PGBD5: variants seen among roughly 807,000 people sequenced by gnomAD.
PGBD5 encodes the protein piggyBac transposable element derived 5, also known as piggyBac transposable element-derived protein 5.
In PGBD5, 14 loss-of-function variants were observed where a neutral mutation model predicts 47.9. That is an observed-to-expected ratio of 0.29 (90% CI 0.19 to 0.46). The LOEUF is 0.46. Among genes scored for constraint, PGBD5 ranks in the 20% least tolerant of loss-of-function variants. The pLI is 1.00. For missense variants in PGBD5, 635 were observed against 716.0 expected (o/e 0.89, Z 1.29); for synonymous variants, 316 against 306.3 (o/e 1.03, Z -0.33).
chr1:230,405,788 G>C (rs1349739030), intron 1 of PGBD5, among the ~76,000 whole-genome samples: 5 of 152,220 alleles, frequency 3.3e-5, no homozygotes, highest in Non-Finnish European at 7.3e-5. Flanking sequence ...TCTCAGGGGT[G>C]AATAGTTGAT....
chr1:230,348,518 G>A (rs2102699573), intron 3 of PGBD5, among the ~76,000 whole-genome samples: 1 of 152,334 alleles, frequency 6.6e-6, no homozygotes, highest in East Asian at 1.9e-4. Flanking sequence ...CAAGGCTGTG[G>A]GGAGGATCAG....
intron 3 of PGBD5, among the ~76,000 whole-genome samples, chr1:230,344,473 G>A (rs1318402067): frequency 6.6e-6 from 1 of 152,220 alleles, no homozygotes; most frequent in Non-Finnish European, 1.5e-5. Flanking sequence ...AATCCTGCAT[G>A]TGAAGTGCTT....
At chr1:230,408,891 G>A (rs1248638764) in intron 1 of PGBD5, among the ~76,000 whole-genome samples, 4 of 152,024 alleles carry the variant, frequency 2.6e-5, no homozygotes, top group African/African-American at 9.7e-5. Context: ...GTGCTTCCAA[G>A]GACATCATGA....
At chr1:230,340,046 T>C (rs1667387277) in intron 3 of PGBD5, among the ~76,000 whole-genome samples, 1 of 152,228 alleles carries the variant, frequency 6.6e-6, no homozygotes, top group South Asian at 2.1e-4. Flanking sequence ...GTTGGCTCGA[T>C]TTGGCCATTT....
chr1:230,330,227 C>A (rs1667190395), intron 5 of PGBD5, among the ~76,000 whole-genome samples: 2 of 152,150 alleles, frequency 1.3e-5, no homozygotes, highest in African/African-American at 4.8e-5. Context: ...GTCAGAATGA[C>A]AAATAAAAAA....
At chr1:230,415,127 G>A (rs1009266271) in intron 1 of PGBD5, among the ~76,000 whole-genome samples, 6 of 152,086 alleles carry the variant, frequency 3.9e-5, no homozygotes, top group African/African-American at 1.4e-4. Flanking sequence ...AATTAGGTGG[G>A]CATGGTGGCG....
At chr1:230,346,801 C>T (rs1323699472) in intron 3 of PGBD5, among the ~76,000 whole-genome samples, 1 of 152,150 alleles carries the variant, frequency 6.6e-6, no homozygotes, top group Non-Finnish European at 1.5e-5. Flanking sequence ...CGGTATTGCA[C>T]TTGTCACGCT....
intron 5 of PGBD5, among the ~76,000 whole-genome samples, chr1:230,327,176 ACAG>A (rs71695926): frequency 0.035 from 5,297 of 151,456 alleles, 116 homozygotes; most frequent in South Asian, 0.067. Context: ...GCCTTCCCTC[ACAG>A]CAGCAAGGGA....
intron 1 of PGBD5, among the ~76,000 whole-genome samples, chr1:230,401,806 C>T (rs1380039271): frequency 1.3e-5 from 2 of 152,216 alleles, no homozygotes; most frequent in Admixed American, 1.3e-4. Flanking sequence ...GCCCTGGCAA[C>T]ACAGGCAGGC....
chr1:230,360,890 G>A (rs41412646), intron 1 of PGBD5, among the ~76,000 whole-genome samples: 4,850 of 152,204 alleles, frequency 0.032, 246 homozygotes, highest in African/African-American at 0.11. Flanking sequence ...GAGCTTCCCA[G>A]GTATTACCCA....
chr1:230,410,994 C>T (rs1054663268), intron 1 of PGBD5, among the ~76,000 whole-genome samples: 1 of 151,874 alleles, frequency 6.6e-6, no homozygotes, highest in Admixed American at 6.6e-5. Context: ...GGGAGAGAGG[C>T]CAGGTACAGT....
At chr1:230,409,995 A>G (rs547358303) in intron 1 of PGBD5, among the ~76,000 whole-genome samples, 17 of 152,328 alleles carry the variant, frequency 1.1e-4, no homozygotes, top group Admixed American at 3.9e-4. Flanking sequence ...AAGGGCCTAT[A>G]AGGTTGTGTT....
intron 1 of PGBD5, chr1:230,367,803 T>C: frequency 9.5e-7 from 1 of 1,055,990 alleles, no homozygotes; most frequent in Non-Finnish European, 1.2e-6. Context: ...CCGTGGAGGC[T>C]CTTCATCATA....
intron 2 of PGBD5, 81 bp from the exon 3 acceptor site, chr1:230,351,173 C>A: frequency 2.1e-6 from 3 of 1,439,256 alleles, no homozygotes; most frequent in Non-Finnish European, 2.8e-6. Flanking sequence ...TCAAATTCAG[C>A]CTCTGCATTT....
rs892709234 is a variant in PGBD5, at chr1:230,321,243, T to C, written c.*2182A>G. 5.9e-5 allele frequency: 9 copies of C among 152,220 alleles called. No homozygotes were observed. The highest frequency in any genetic ancestry group is 2.2e-4 in the African/African-American group (9 of 41,452). The allele number at this position is 152,220 out of a possible 1,614,324, so 9.4% of individuals were successfully genotyped here. ...CAAAAACATTTCTTTTTTAAACTGC[T>C]CAGTGGTTTGAGACACCAAGAACAG... On this transcript the variant is annotated 3_prime_UTR_variant, in exon 7 of 7. Coordinates refer to ENST00000391860, the MANE Select transcript of PGBD5 (RefSeq NM_001258311.2).
intron 1 of PGBD5, among the ~76,000 whole-genome samples, chr1:230,399,802 TACTCAGTTCCC>T (rs1330335628): frequency 2.0e-5 from 3 of 152,078 alleles, no homozygotes; most frequent in Non-Finnish European, 4.4e-5. Context: ...ATCCTTCCAA[TACTCAGTTCCC>T]ACGGTGGAAA....
chr1:230,378,766 A>G (rs1167637385), intron 1 of PGBD5, among the ~76,000 whole-genome samples: 1 of 152,180 alleles, frequency 6.6e-6, no homozygotes, highest in Non-Finnish European at 1.5e-5. Context: ...ATGGGCAAAG[A>G]CCATAATGTC....
intron 1 of PGBD5, among the ~76,000 whole-genome samples, chr1:230,394,686 C>A (rs1167194177): frequency 7.1e-6 from 1 of 140,512 alleles, no homozygotes; most frequent in Non-Finnish European, 1.5e-5. Context: ...TCCCACCTTC[C>A]TCCCTTCCTC....
At chr1:230,412,406 T>G (rs1657428611) in intron 1 of PGBD5, among the ~76,000 whole-genome samples, 1 of 140,206 alleles carries the variant, frequency 7.1e-6, no homozygotes, top group Non-Finnish European at 1.6e-5. Flanking sequence ...TTTTTTTTTT[T>G]GAGACAGAGT....
Sources: allele counts gnomAD v4.1 joint callset (sites outside exome capture counted in the v4.1 genomes callset), GRCh38; gene constraint gnomAD v4.1.1; transcripts MANE v1.5; gene names NCBI Gene and HGNC (gene_info 2026-07-23, HGNC 2026-07-21).